GSTA3: variants seen among roughly 807,000 people sequenced by gnomAD.
GSTA3 encodes glutathione S-transferase A3.
Under a neutral mutation model 23.1 loss-of-function variants are expected in GSTA3, and 16 were observed. The ratio of observed to expected loss-of-function variants is 0.69; its 90% CI spans 0.47 to 1.05. GSTA3 has a LOEUF of 1.05. Among genes scored for constraint, GSTA3 ranks in the 50% least tolerant of loss-of-function variants. The pLI is 0.00. For missense variants in GSTA3, 319 were observed against 263.6 expected, an observed-to-expected ratio of 1.21 and a Z score of -1.46; for synonymous variants, 122 against 91.0, an observed-to-expected ratio of 1.34 and a Z score of -1.94.
At chr6:52,900,814 G>C (rs930219259) in intron 4 of GSTA3, among the ~76,000 whole-genome samples, 1 of 152,186 alleles carries the variant, frequency 6.6e-6, no homozygotes, top group African/African-American at 2.4e-5. Flanking sequence ...AATCCCAAGA[G>C]AGTCCCTGGC....
At chr6:52,902,550 G>T in intron 3 of GSTA3, 72 bp from the exon 4 acceptor site, 1 of 1,427,308 alleles carries the variant, frequency 7.0e-7, no homozygotes, top group Non-Finnish European at 9.6e-7. Flanking sequence ...AAAAATGATG[G>T]TTGAAATGAC....
chr6:52,897,208 G>C (rs1765477831), intron 6 of GSTA3, among the ~76,000 whole-genome samples: 2 of 152,158 alleles, frequency 1.3e-5, no homozygotes, highest in Non-Finnish European at 2.9e-5. Flanking sequence ...TCTTGTATAA[G>C]ACAAGAAAAA....
rs766772813 is a variant in GSTA3, at chr6:52,899,956, C to A, written c.392G>T (p.Arg131Leu). Residue 131 changes from arginine to leucine, a missense_variant, in exon 5 of 7, where the codon CGC (arginine) becomes CTC (leucine). Arg to Leu is a moderately radical substitution (Grantham distance 102). Coordinates refer to ENST00000211122, the MANE Select transcript of GSTA3 (RefSeq NM_000847.5). ...TACTTTTTCGAAGGCAGGGAAATAGCGACTTTTTGTTTTCTCTTTGATCAA... is the reference window on the plus strand; with the variant it reads ...TACTTTTTCGAAGGCAGGGAAATAGAGACTTTTTGTTTTCTCTTTGATCAA... The part of the protein sequence containing the change: ...IALIKEKTKS[R>L]YFPAFEKVLQ... 5 of 1,613,876 alleles carry A rather than the reference C, an allele frequency of 3.1e-6. No individual in the cohort carries two copies. The highest frequency in any genetic ancestry group is 2.7e-5 in the African/African-American group (2 of 74,898).
intron 3 of GSTA3, among the ~76,000 whole-genome samples, chr6:52,903,455 G>T (rs1297080036): frequency 1.3e-5 from 2 of 150,798 alleles, no homozygotes; most frequent in African/African-American, 4.9e-5. Flanking sequence ...AAACTAGCCT[G>T]GTGTGGTGTC....
chr6:52,899,451 C>T (rs1473231963), intron 5 of GSTA3, among the ~76,000 whole-genome samples: 1 of 152,204 alleles, frequency 6.6e-6, no homozygotes, highest in Admixed American at 6.5e-5. Context: ...AAATCTTCCT[C>T]TCCACCCCAC....
intron 4 of GSTA3, 68 bp downstream of exon 4, chr6:52,902,278 C>A: frequency 6.3e-7 from 1 of 1,594,142 alleles, no homozygotes; most frequent in Non-Finnish European, 8.6e-7. Context: ...CATGGTCTCA[C>A]CCACTCAAGG....
intron 4 of GSTA3, among the ~76,000 whole-genome samples, chr6:52,900,876 G>A (rs1413638652): frequency 6.6e-6 from 1 of 152,066 alleles, no homozygotes; most frequent in African/African-American, 2.4e-5. Context: ...ACATCTCCCA[G>A]GCCCACTTCT....
intron 5 of GSTA3, among the ~76,000 whole-genome samples, chr6:52,898,896 G>A (rs1426739267): frequency 2.0e-5 from 3 of 152,102 alleles, no homozygotes; most frequent in Admixed American, 1.3e-4. Flanking sequence ...TCCCCTATTG[G>A]CTAGGGTTAG....
intron 3 of GSTA3, 101 bp from the exon 4 acceptor site, chr6:52,902,579 AAG>A: frequency 8.1e-7 from 1 of 1,239,776 alleles, no homozygotes; most frequent in Non-Finnish European, 1.1e-6. Flanking sequence ...TAAAATGAAA[AAG>A]AAATTATTGC....
intron 6 of GSTA3, among the ~76,000 whole-genome samples, chr6:52,897,602 G>A (rs1178690896): frequency 6.6e-6 from 1 of 152,158 alleles, no homozygotes; most frequent in East Asian, 1.9e-4. Context: ...GTGATAAAAG[G>A]CAAAATACTT....
rs754016989 is a variant in GSTA3, at chr6:52,897,936, T to C, written c.435A>G (p.Gln145=). ...TCAGCTTGTTGCCAACAAGGTAGTC[T>C]TGTCCATGGCTCTGTAACACCTGGA... ...AFEKVLQSHG[Q]DYLVGNKLSR... Residue 145 remains glutamine (Q), a synonymous_variant, in exon 6 of 7, where the codon CAA becomes CAG. Coordinates refer to ENST00000211122, the MANE Select transcript of GSTA3 (RefSeq NM_000847.5). The C allele has an allele frequency of 6.2e-6, 10 of 1,614,048 alleles. No individual in the cohort carries two copies. The highest frequency in any genetic ancestry group is 8.5e-6 in the Non-Finnish European group (10 of 1,179,930).
intron 1 of GSTA3, among the ~76,000 whole-genome samples, chr6:52,907,935 T>C (rs1394573967): frequency 1.3e-5 from 2 of 151,690 alleles, no homozygotes; most frequent in African/African-American, 4.8e-5. Flanking sequence ...GTAACGAACC[T>C]GCACATTGTG....
intron 1 of GSTA3, 99 bp from the exon 2 acceptor site, chr6:52,905,954 C>T (rs535577699): frequency 3.0e-5 from 17 of 557,420 alleles, no homozygotes; most frequent in African/African-American, 2.9e-4. Context: ...GGAGTGTCTT[C>T]CTTCCTCATA....
In GSTA3 at chr6:52,902,404, G is replaced by A; in HGVS notation, c.214C>T (p.Leu72Phe). The change falls in exon 4 of 7, where the codon CTC becomes TTC. Residue 72 changes from leucine (L) to phenylalanine (F), a missense_variant. Transcript: ENST00000211122. ...GMKLVQTRAI[L>F]NYIASKYNLY... is the part of the protein sequence containing the mutation. ...TTGTATTTGCTGGCAATGTAGTTGA[G>A]AATGGCTCTGGTCTGTACCAACTTC... 1 of 1,613,946 alleles carries A rather than the reference G, an allele frequency of 6.2e-7. No homozygotes were observed. Among genetic ancestry groups the A allele is most frequent in the African/African-American group, 1.3e-5 (1 of 75,020 alleles).
At chr6:52,903,400 A>G (rs1392193912) in intron 3 of GSTA3, among the ~76,000 whole-genome samples, 1 of 150,400 alleles carries the variant, frequency 6.6e-6, no homozygotes, top group Non-Finnish European at 1.5e-5. Context: ...ATCCTGGCTA[A>G]CACGATGAAA....
Position 52,900,055 on chromosome 6 carries a change from C to T in GSTA3, c.293G>A (p.Gly98Asp), listed in dbSNP as rs774646417. Residue 98 changes from glycine (G) to aspartate (D), a missense_variant, in exon 5 of 7, where the codon GGT (glycine) becomes GAT (aspartate). Physicochemically the swap from Gly to Asp is moderately conservative, Grantham distance 94. Transcript: ENST00000211122. ...ERALIDMYTE[G>D]MADLNEMILL... ...GATCATTTCATTCAAATCTGCCATACCTTCTGTATACATATCAATTCTGAA... is the reference window on the plus strand; with the variant it reads ...GATCATTTCATTCAAATCTGCCATATCTTCTGTATACATATCAATTCTGAA... 4 of 1,612,942 alleles carry T rather than the reference C, an allele frequency of 2.5e-6. No individual in the cohort carries two copies. Among genetic ancestry groups the T allele is most frequent in the African/African-American group, 1.3e-5 (1 of 74,850 alleles).
chr6:52,904,090 G>C (rs1765803839), intron 2 of GSTA3, among the ~76,000 whole-genome samples: 1 of 152,050 alleles, frequency 6.6e-6, no homozygotes, highest in Admixed American at 6.6e-5. Flanking sequence ...AGGCCCAAGT[G>C]ACCCTCCCAC....
intron 5 of GSTA3, among the ~76,000 whole-genome samples, chr6:52,898,843 C>A (rs1015318567): frequency 6.6e-6 from 1 of 152,180 alleles, no homozygotes. Flanking sequence ...CCCTGACGCA[C>A]GTGGCCCCTG....
intron 6 of GSTA3, 93 bp from the exon 7 acceptor site, chr6:52,897,021 C>A (rs1403669508): frequency 1.3e-6 from 2 of 1,541,798 alleles, no homozygotes; most frequent in African/African-American, 1.4e-5. Context: ...TGCCAGAGAC[C>A]AAGTGAGTCC....
Sources: gnomAD v4.1 joint callset for allele counts (sites outside exome capture counted in the v4.1 genomes callset) on GRCh38, gnomAD v4.1.1 for gene constraint, MANE v1.5 for transcripts, NCBI Gene and HGNC (gene_info 2026-07-23, HGNC 2026-07-21) for gene names.